The following FAF1 variants were observed in gnomAD, a reference collection of about 807,000 sequenced individuals.
FAF1 encodes the protein FAS-associated factor 1.
A neutral mutation model predicts 92.5 loss-of-function variants in FAF1; 25 were observed. That is an observed-to-expected ratio of 0.27 (90% CI 0.20 to 0.38). FAF1 has a LOEUF of 0.38. FAF1 is among the 10% of genes least tolerant of loss of function. The pLI, the probability that FAF1 is intolerant of heterozygous loss-of-function variation, is 1.00. For synonymous variants in FAF1, 234 were observed against 273.2 expected (o/e 0.86, Z 1.42); for missense variants, 636 against 793.3 (o/e 0.80, Z 2.38).
chr1:50,453,732 A>T (rs1646320762), intron 18 of FAF1, among the ~76,000 whole-genome samples: 1 of 152,246 alleles, frequency 6.6e-6, no homozygotes, highest in South Asian at 2.1e-4. Flanking sequence ...ATGAGAAAGA[A>T]AAGTATTTAG....
chr1:50,795,465 T>C (rs1044270340), intron 3 of FAF1, among the ~76,000 whole-genome samples: 1 of 152,196 alleles, frequency 6.6e-6, no homozygotes, highest in East Asian at 1.9e-4. Flanking sequence ...TGTATGCCAT[T>C]ACCTAGGAGC....
At chr1:50,595,702 C>T (rs1447042494) in intron 9 of FAF1, among the ~76,000 whole-genome samples, 1 of 151,978 alleles carries the variant, frequency 6.6e-6, no homozygotes, top group Non-Finnish European at 1.5e-5. Flanking sequence ...GCCACCACAC[C>T]TGGCTAATTT....
chr1:50,818,620 T>C (rs1476469885), intron 2 of FAF1, among the ~76,000 whole-genome samples: 2 of 152,340 alleles, frequency 1.3e-5, no homozygotes, highest in Admixed American at 1.3e-4. Flanking sequence ...TAAGAGTGCA[T>C]ACTGTATGAT....
chr1:50,789,561 C>T (rs931686762), intron 3 of FAF1, among the ~76,000 whole-genome samples: 3 of 152,140 alleles, frequency 2.0e-5, no homozygotes, highest in African/African-American at 4.8e-5. Flanking sequence ...AGTCATCCAC[C>T]TTTACCCTCT....
At chr1:50,624,142 A>T (rs974842046) in intron 8 of FAF1, among the ~76,000 whole-genome samples, 1 of 151,994 alleles carries the variant, frequency 6.6e-6, no homozygotes, top group Non-Finnish European at 1.5e-5. Flanking sequence ...CCTAGTCCAG[A>T]CACAACTTTC....
At chr1:50,542,994 A>G (rs1572821067) in intron 13 of FAF1, among the ~76,000 whole-genome samples, 4 of 152,354 alleles carry the variant, frequency 2.6e-5, no homozygotes, top group East Asian at 3.9e-4. Flanking sequence ...GAAAACTGGT[A>G]AGATAAGATG....
At chr1:50,870,974 GTTC>G (rs1435460760) in intron 1 of FAF1, among the ~76,000 whole-genome samples, 1 of 152,190 alleles carries the variant, frequency 6.6e-6, no homozygotes, top group African/African-American at 2.4e-5. Flanking sequence ...CAAAGGAAAA[GTTC>G]TTGAGGGAAA....
intron 1 of FAF1, among the ~76,000 whole-genome samples, chr1:50,921,303 C>T (rs1421568582): frequency 3.9e-5 from 6 of 152,332 alleles, no homozygotes; most frequent in African/African-American, 1.2e-4. Flanking sequence ...AACTCTGCAA[C>T]GCACTATCAG....
intron 15 of FAF1, among the ~76,000 whole-genome samples, chr1:50,500,819 G>A (rs1019098921): frequency 1.3e-5 from 2 of 152,070 alleles, no homozygotes. Flanking sequence ...AAAATTAAAT[G>A]TGAGGTATGT....
At chr1:50,896,280 G>T (rs1221712802) in intron 1 of FAF1, among the ~76,000 whole-genome samples, 1 of 151,654 alleles carries the variant, frequency 6.6e-6, no homozygotes, top group South Asian at 2.1e-4. Flanking sequence ...GTGAGACCCT[G>T]TCTAAAAAAA....
intron 17 of FAF1, among the ~76,000 whole-genome samples, chr1:50,486,299 C>T (rs1177062278): frequency 1.3e-5 from 2 of 152,166 alleles, no homozygotes; most frequent in Non-Finnish European, 2.9e-5. Context: ...ACCCAAGATT[C>T]GCCAAAATTC....
intron 1 of FAF1, among the ~76,000 whole-genome samples, chr1:50,862,863 C>G (rs1268382693): frequency 6.6e-6 from 1 of 151,882 alleles, no homozygotes; most frequent in Non-Finnish European, 1.5e-5. Context: ...TATACATACA[C>G]TAAACACTGG....
chr1:50,909,054 T>C (rs374875004), intron 1 of FAF1, among the ~76,000 whole-genome samples: 1 of 152,356 alleles, frequency 6.6e-6, no homozygotes, highest in East Asian at 1.9e-4. Context: ...TCAGAAGCTC[T>C]TGTAAGGTAG....
chr1:50,513,333 A>C (rs1342823789), intron 15 of FAF1, among the ~76,000 whole-genome samples: 5 of 152,066 alleles, frequency 3.3e-5, no homozygotes, highest in African/African-American at 1.2e-4. Context: ...AAAATACAAA[A>C]ATTAACCGGG....
At chr1:50,562,542 TAGAA>T (rs2149053584) in intron 13 of FAF1, among the ~76,000 whole-genome samples, 1 of 152,336 alleles carries the variant, frequency 6.6e-6, no homozygotes, top group South Asian at 2.1e-4. Flanking sequence ...AATCTCTAAA[TAGAA>T]AGAGTAAAGT....
At chr1:50,624,884 A>G (rs1048699343) in intron 8 of FAF1, among the ~76,000 whole-genome samples, 11 of 150,760 alleles carry the variant, frequency 7.3e-5, no homozygotes, top group Non-Finnish European at 1.3e-4. Context: ...ATACAGCACT[A>G]GAATCCCACA....
intron 5 of FAF1, among the ~76,000 whole-genome samples, chr1:50,743,017 T>C (rs939661557): frequency 1.3e-5 from 2 of 152,226 alleles, no homozygotes; most frequent in Admixed American, 6.5e-5. Context: ...AACATAATTA[T>C]GCTCGATGTT....
chr1:50,645,572 C>T (rs978219638), intron 8 of FAF1, among the ~76,000 whole-genome samples: 4 of 152,132 alleles, frequency 2.6e-5, no homozygotes, highest in Non-Finnish European at 5.9e-5. Flanking sequence ...GCCTATAATC[C>T]CAGCATTTGG....
At chr1:50,530,165 A>G (rs1648063496) in intron 15 of FAF1, among the ~76,000 whole-genome samples, 1 of 152,070 alleles carries the variant, frequency 6.6e-6, no homozygotes. Flanking sequence ...ATAAATTTAT[A>G]TACAGCTATC....
Sources: gnomAD v4.1 joint callset for allele counts (sites outside exome capture counted in the v4.1 genomes callset) on GRCh38, gnomAD v4.1.1 for gene constraint, MANE v1.5 for transcripts, NCBI Gene and HGNC (gene_info 2026-07-23, HGNC 2026-07-21) for gene names.